The following SCAF11 variants were observed in gnomAD, a reference collection of about 807,000 sequenced individuals.
SCAF11 encodes the protein SR-related CTD associated factor 11.
Under a neutral mutation model 140.5 loss-of-function variants are expected in SCAF11, and 47 were observed. The observed-to-expected ratio is 0.33, with a 90% CI of 0.26 to 0.43. The LOEUF (loss-of-function observed/expected upper bound fraction) is 0.43, where lower values mean the gene tolerates loss of function less well. Among genes scored for constraint, SCAF11 ranks in the 20% least tolerant of loss-of-function variants. SCAF11 has a pLI of 1.00. For missense variants in SCAF11, 1,645 were observed against 1,705.1 expected (o/e 0.96, Z 0.62); for synonymous variants, 557 against 579.4 (o/e 0.96, Z 0.55).
rs187399518 is a variant in SCAF11 at position 45,959,670 on chromosome 12, T to C, written c.219+2030A>G. 3.1e-3 allele frequency among the ~76,000 whole-genome samples: 478 copies of C among 152,334 alleles called. 1 individual carries two copies. Among genetic ancestry groups the C allele is most frequent in the Admixed American group, 5.5e-3 (84 of 15,294 alleles). ...AAGCACTTACATGCTTTGAAACATA[T>C]CTATTTTTATCACAGCAATAAAAGA... On this transcript the variant is annotated intron_variant, in intron 3 of 14. Coordinates refer to ENST00000369367, the MANE Select transcript of SCAF11 (RefSeq NM_004719.3).
Position 45,926,744 on chromosome 12 carries a change from T to A in SCAF11, c.2957A>T (p.Lys986Met). Residue 986 changes from lysine (K) to methionine (M), a missense_variant, in exon 11 of 15, where the codon AAG becomes ATG. Lys to Met is a moderately conservative substitution (Grantham distance 95, BLOSUM62 -1). Around this residue, in one of 2 missense-constraint regions of SCAF11, gnomAD observed 1,582 missense variants for 1,609.2 expected, o/e 0.98. Transcript: ENST00000369367. ...TTCATTCTGTTTCTCTGGGTCATTC[T>A]TTCTGTACCGATCATTTCCTCGTGG... ...RCPRGNDRYR[K>M]NDPEKQNENT... 6.2e-7 allele frequency: 1 copy of A among 1,614,146 alleles called. No homozygotes were observed. Among genetic ancestry groups the A allele is most frequent in the Non-Finnish European group, 8.5e-7 (1 of 1,180,034 alleles).
At chr12:45,940,892 T>A (rs1592182925) in intron 6 of SCAF11, among the ~76,000 whole-genome samples, 1 of 152,148 alleles carries the variant, frequency 6.6e-6, no homozygotes, top group African/African-American at 2.4e-5. Flanking sequence ...CAGCCTCAAC[T>A]TCCCCAGGCT....
At chr12:45,972,290 TAA>T (rs1402619778) in intron 1 of SCAF11, among the ~76,000 whole-genome samples, 1 of 151,910 alleles carries the variant, frequency 6.6e-6, no homozygotes, top group Non-Finnish European at 1.5e-5. Flanking sequence ...CCTGTAAAAA[TAA>T]AAATATTGGC....
chr12:45,953,111 T>TTAC (rs781721710), intron 3 of SCAF11, among the ~76,000 whole-genome samples: 10 of 152,224 alleles, frequency 6.6e-5, no homozygotes, highest in African/African-American at 9.6e-5. Flanking sequence ...AAATGTGACC[T>TTAC]TACTATATTA....
upstream of SCAF11, among the ~76,000 whole-genome samples, chr12:45,990,814 A>ACGCG (rs1295870302): frequency 6.6e-6 from 1 of 152,158 alleles, no homozygotes. Context: ...GAGTCACGTC[A>ACGCG]CGCGGCCTGT....
chr12:45,935,516 A>AC (rs1945151912), intron 6 of SCAF11, among the ~76,000 whole-genome samples: 3 of 152,238 alleles, frequency 2.0e-5, no homozygotes, highest in Admixed American at 2.0e-4. Flanking sequence ...TACACAGATA[A>AC]CACTCTTAGA....
rs188947977 is a variant in SCAF11, at chr12:45,926,043, A to G, written c.3559+99T>C. On this transcript the variant is annotated intron_variant, in intron 11 of 14. Transcript: ENST00000369367. ...ACAACTAAGGTTCAGCTTATTATAA[A>G]AACTACAAATAAGGATCATTTCAAC... The G allele has an allele frequency of 2.0e-5, 26 of 1,296,322 alleles. No individual in the cohort carries two copies. In the Admixed American group the frequency reaches 5.3e-4, roughly 27 times the overall value. 80.3% of individuals were successfully genotyped at this position (1,296,322 alleles called of 1,614,324 possible). A position where few individuals can be genotyped will look rare whatever the true frequency, so the allele number is the denominator to read the frequency against.
Position 45,933,116 on chromosome 12 carries a change from A to AT in SCAF11, c.734+14dup. On this transcript the variant is annotated intron_variant, in intron 9 of 14. Transcript: ENST00000369367. ...TAGCATGTAAACACCTGAGTAAATAATTTTTTATTTTTACCTTCCAATTCC... is the reference window on the plus strand; with the variant it reads ...TAGCATGTAAACACCTGAGTAAATAATTTTTTTATTTTTACCTTCCAATTCC... 7.0e-6 allele frequency: 11 copies of AT among 1,569,650 alleles called. No individual in the cohort carries two copies. The highest frequency in any genetic ancestry group is 8.7e-6 in the Non-Finnish European group (10 of 1,145,080).
At chr12:45,957,610 G>C (rs7298703) in intron 3 of SCAF11, among the ~76,000 whole-genome samples, 62,184 of 151,814 alleles carry the variant, frequency 0.41, 13,948 homozygotes, top group East Asian at 0.55. Context: ...ATACAAAATG[G>C]GTGATTTTGT....
Position 45,927,864 on chromosome 12 carries a change from A to T in SCAF11, c.1837T>A (p.Ser613Thr), listed in dbSNP as rs1944927314. 6.2e-7 allele frequency: 1 copy of T among 1,613,728 alleles called. No homozygotes were observed. Among genetic ancestry groups the T allele is most frequent in the Non-Finnish European group, 8.5e-7 (1 of 1,179,924 alleles). Residue 613 changes from serine to threonine, a missense_variant, in exon 11 of 15, where the codon TCT becomes ACT. Physicochemically the swap from Ser to Thr is moderately conservative, Grantham distance 58. Coordinates refer to ENST00000369367, the MANE Select transcript of SCAF11 (RefSeq NM_004719.3). ...GTCTGTATAATTTCACCCTCAGAAG[A>T]TTCTAACTTGGGGCTCTCTATAAGC... ...EELIESPKLE[S>T]SEGEIIQTVD...
chr12:45,931,531 T>C lies in SCAF11; in HGVS notation c.816A>G (p.Thr272=). The part of the protein sequence containing the change: ...SSVLPRTIFP[T]STISFEHFGT... ...CAAAATGTTCGAAAGATATGGTACT[T>C]GTTGGAAAAATAGTTCTTGGCAACA... is the stretch of plus-strand genomic sequence containing the variant. Residue 272 remains threonine (T), a synonymous_variant, in exon 10 of 15, where the codon ACA becomes ACG. Coordinates refer to ENST00000369367, the MANE Select transcript of SCAF11 (RefSeq NM_004719.3). 1 of 1,490,096 alleles carries C rather than the reference T, an allele frequency of 6.7e-7. No homozygotes were observed. The highest frequency in any genetic ancestry group is 1.5e-5 in the South Asian group (1 of 66,172). The allele number at this position is 1,490,096 out of a possible 1,614,324, so 92.3% of individuals were successfully genotyped here.
chr12:45,930,047 C>T (rs1036316056), intron 10 of SCAF11: 1 of 152,026 alleles, frequency 6.6e-6, no homozygotes, highest in Non-Finnish European at 1.5e-5. Context: ...ATAAAAGAAG[C>T]TAAAGAAAAG....
intron 3 of SCAF11, among the ~76,000 whole-genome samples, chr12:45,957,251 T>A (rs1022348058): frequency 6.6e-6 from 1 of 152,156 alleles, no homozygotes; most frequent in Non-Finnish European, 1.5e-5. Context: ...AAAAATTGAT[T>A]GAAAATTCCA....
Position 45,926,999 on chromosome 12 carries a change from G to A in SCAF11, c.2702C>T (p.Ser901Phe), listed in dbSNP as rs770300050. 13 of 1,613,156 alleles carry A rather than the reference G, an allele frequency of 8.1e-6. No homozygotes were observed. The highest frequency in any genetic ancestry group is 1.1e-5 in the Non-Finnish European group (13 of 1,180,016). The change falls in exon 11 of 15, where the codon TCT becomes TTT. Residue 901 changes from serine to phenylalanine, a missense_variant. Ser to Phe is a radical substitution (Grantham distance 155). Transcript: ENST00000369367. ...GGACCTGGATTTTTCTCCTGGGGAAGAATCTTTCACTCTTGGCTGAGATCT... is the reference window on the plus strand; with the variant it reads ...GGACCTGGATTTTTCTCCTGGGGAAAAATCTTTCACTCTTGGCTGAGATCT... Reference protein sequence around the residue: ...NKRSQPRVKDSSPGEKSRSQS... With the variant: ...NKRSQPRVKDFSPGEKSRSQS...
chr12:45,937,605 T>C (rs953760617), intron 6 of SCAF11, among the ~76,000 whole-genome samples: 3 of 152,210 alleles, frequency 2.0e-5, no homozygotes. Flanking sequence ...ATCTGGTTAC[T>C]TCATTGGGAG....
intron 6 of SCAF11, among the ~76,000 whole-genome samples, chr12:45,944,395 T>A (rs1000819762): frequency 1.3e-5 from 2 of 152,210 alleles, no homozygotes; most frequent in Admixed American, 1.3e-4. Flanking sequence ...AGGGATCATA[T>A]TAATTCTAAT....
chr12:45,948,839 CT>C (rs1293394627), intron 4 of SCAF11, among the ~76,000 whole-genome samples: 18 of 151,958 alleles, frequency 1.2e-4, no homozygotes, highest in African/African-American at 4.1e-4. Flanking sequence ...TCACAGAAGA[CT>C]TTAATGAGTA....
chr12:45,936,402 A>G (rs984070260), intron 6 of SCAF11, among the ~76,000 whole-genome samples: 9 of 152,082 alleles, frequency 5.9e-5, no homozygotes, highest in African/African-American at 2.2e-4. Context: ...TCGGCCTCCC[A>G]AAGTGCTGGG....
At chr12:45,924,216 A>G (rs993434953) in intron 12 of SCAF11, among the ~76,000 whole-genome samples, 2 of 152,216 alleles carry the variant, frequency 1.3e-5, no homozygotes, top group African/African-American at 4.8e-5. Context: ...CAAATTTTCT[A>G]TGTCTCACAG....
Sources: allele counts gnomAD v4.1 joint callset (sites outside exome capture counted in the v4.1 genomes callset), GRCh38; gene constraint gnomAD v4.1.1; regional missense constraint gnomAD v4.1.1; transcripts MANE v1.5; gene names NCBI Gene and HGNC (gene_info 2026-07-23, HGNC 2026-07-21).